NPC1: variants seen among roughly 807,000 people sequenced by gnomAD.
NPC1 encodes Niemann-Pick C1 protein.
A neutral mutation model predicts 140.4 loss-of-function variants in NPC1; 85 were observed. The ratio of observed to expected loss-of-function variants is 0.61; its 90% CI spans 0.51 to 0.72. The LOEUF is 0.72. Among genes scored for constraint, NPC1 ranks in the 30% least tolerant of loss-of-function variants. NPC1 has a pLI of 0.00. For synonymous variants in NPC1, 656 were observed against 624.8 expected (o/e 1.05, Z -0.74); for missense variants, 1,504 against 1,623.8 (o/e 0.93, Z 1.27).
downstream of NPC1, chr18:23,530,201 C>T (rs1598919294): frequency 1.2e-6 from 2 of 1,614,038 alleles, no homozygotes; most frequent in South Asian, 1.1e-5. Flanking sequence ...ATCTTTCCAA[C>T]TGAAGTGGGT....
intron 1 of NPC1, chr18:23,524,260 C>A: frequency 6.5e-7 from 1 of 1,548,114 alleles, no homozygotes; most frequent in Non-Finnish European, 8.9e-7. Flanking sequence ...CTCCGGGCAG[C>A]TGTGAATAAC....
intron 24 of NPC1, 45 bp from the exon 25 acceptor site, chr18:23,532,329 A>T (rs1180258980): frequency 6.2e-7 from 1 of 1,611,294 alleles, no homozygotes; most frequent in Non-Finnish European, 8.5e-7. Context: ...GGAGAAAGGG[A>T]GCTAGTTGGC....
rs146916676 is a variant in NPC1 at position 23,515,047 on chromosome 18, A to G, written c.432-8405T>C. On this transcript the variant is annotated intron_variant, in intron 3 of 3. Transcript: ENST00000591107. ...GGAGCTCCTCCCAGGCCCAGTGTAG[A>G]CTGGAGTCGAGGTGGAGGCCAAGCA... is the stretch of plus-strand genomic sequence containing the variant. Among the ~76,000 whole-genome samples the G allele has an allele frequency of 3.2e-3, 485 of 152,134 alleles. 4 individuals are homozygous for G. Among genetic ancestry groups the G allele is most frequent in the African/African-American group, 0.011 (466 of 41,514 alleles).
At chr18:23,568,214 A>C (rs981333285) in intron 4 of NPC1, among the ~76,000 whole-genome samples, 2 of 152,202 alleles carry the variant, frequency 1.3e-5, no homozygotes, top group African/African-American at 4.8e-5. Context: ...GTTTCTGGAC[A>C]AAATGACCTC....
In NPC1 at chr18:23,548,079, C is replaced by G; in HGVS notation, c.1684G>C (p.Val562Leu). 6.2e-7 allele frequency: 1 copy of G among 1,611,552 alleles called. No individual in the cohort carries two copies. The highest frequency in any genetic ancestry group is 2.2e-5 in the East Asian group (1 of 44,870). The change falls in exon 11 of 25, where the codon GTG becomes CTG. Residue 562 changes from valine to leucine, a missense_variant. Transcript: ENST00000269228. The part of the protein sequence containing the change: ...DQNYNNATAL[V>L]ITFPVNNYYN... ...TAATTATTGACAGGGAAGGTAATCACAAGGGCAGTGGCGTTATTGTAGTTT... is the reference window on the plus strand; with the variant it reads ...TAATTATTGACAGGGAAGGTAATCAGAAGGGCAGTGGCGTTATTGTAGTTT...
intron 20 of NPC1, 27 bp from the exon 21 acceptor site, chr18:23,536,903 A>G (rs972887398): frequency 2.5e-6 from 4 of 1,586,704 alleles, no homozygotes; most frequent in Non-Finnish European, 1.7e-6. Flanking sequence ...GGGTGTCAAG[A>G]GAGTCCAGGT....
At chr18:23,539,587 G>A in intron 18 of NPC1, 117 bp from the exon 19 acceptor site, 1 of 822,630 alleles carries the variant, frequency 1.2e-6, no homozygotes, top group South Asian at 1.6e-5. Flanking sequence ...ACAGTCAAAA[G>A]AAAAACTACA....
Position 23,539,962 on chromosome 18 carries a change from A to T in NPC1, c.2644T>A (p.Tyr882Asn). 6.2e-7 allele frequency: 1 copy of T among 1,614,240 alleles called. No homozygotes were observed. The highest frequency in any genetic ancestry group is 8.5e-7 in the Non-Finnish European group (1 of 1,180,030). Residue 882 changes from tyrosine to asparagine, a missense_variant, in exon 18 of 25, where the codon TAC (tyrosine) becomes AAC (asparagine). Coordinates refer to ENST00000269228, the MANE Select transcript of NPC1 (RefSeq NM_000271.5). ...MVDYFKSISQ[Y>N]LHAGPPVYFV... ...TACACAGGCGGACCCGCATGCAGGT[A>T]CTGACTGATGGATTTGAAATAATCC...
intron 14 of NPC1, among the ~76,000 whole-genome samples, chr18:23,542,379 C>T (rs912544579): frequency 2.6e-5 from 4 of 151,586 alleles, no homozygotes; most frequent in Admixed American, 2.6e-4. Flanking sequence ...TGGTGAAAGA[C>T]TACCACCTAC....
At chr18:23,584,440 A>C (rs962956001) in intron 1 of NPC1, among the ~76,000 whole-genome samples, 7 of 152,244 alleles carry the variant, frequency 4.6e-5, no homozygotes, top group African/African-American at 1.7e-4. Context: ...CAGACCTTGA[A>C]AAGGCCTCCA....
chr18:23,526,893 G>A (rs773121531), downstream of NPC1: 625 of 1,284,190 alleles, frequency 4.9e-4, no homozygotes, highest in Non-Finnish European at 6.2e-4. Context: ...TTTATGTGAG[G>A]GGTGGCTATG....
Position 23,541,452 on chromosome 18 carries a change from C to T in NPC1, c.2246-19G>A, listed in dbSNP as rs1347453397. On this transcript the variant is annotated intron_variant, in intron 14 of 24. Coordinates refer to ENST00000269228, the MANE Select transcript of NPC1 (RefSeq NM_000271.5). ...AATGCTCCTGTCGGGGAGAGAAGGGCTCTGCGTCACTTCTGTTTACAGCCG... is the reference window on the plus strand; with the variant it reads ...AATGCTCCTGTCGGGGAGAGAAGGGTTCTGCGTCACTTCTGTTTACAGCCG... The T allele has an allele frequency of 6.2e-6, 10 of 1,614,176 alleles. No homozygotes were observed. Among genetic ancestry groups the T allele is most frequent in the Non-Finnish European group, 7.6e-6 (9 of 1,180,022 alleles).
intron 12 of NPC1, 83 bp from the exon 13 acceptor site, chr18:23,544,609 T>C: frequency 8.1e-7 from 1 of 1,237,858 alleles, no homozygotes; most frequent in Admixed American, 1.8e-5. Context: ...CCTTTTTACT[T>C]TACAGGGCTG....
chr18:23,579,810 G>A (rs1393048941), intron 1 of NPC1, among the ~76,000 whole-genome samples: 2 of 152,020 alleles, frequency 1.3e-5, no homozygotes, highest in South Asian at 2.1e-4. Context: ...GCGTGAACCC[G>A]GGAGGCGGAG....
At chr18:23,562,187 G>C (rs2059051441) in intron 4 of NPC1, among the ~76,000 whole-genome samples, 1 of 151,950 alleles carries the variant, frequency 6.6e-6, no homozygotes, top group South Asian at 2.1e-4. Context: ...TACTCGGGAG[G>C]CTGAGGCGGG....
chr18:23,507,190 A>T, intron 3 of NPC1: 1 of 511,334 alleles, frequency 2.0e-6, no homozygotes, highest in East Asian at 3.5e-5. Flanking sequence ...GTTGCATTGT[A>T]TTAGAGCCTT....
chr18:23,564,721 G>A (rs1035146663), intron 4 of NPC1, among the ~76,000 whole-genome samples: 1 of 152,126 alleles, frequency 6.6e-6, no homozygotes. Context: ...TGTTTTTGGT[G>A]TCATATTTAA....
intron 18 of NPC1, 149 bp downstream of exon 18, chr18:23,539,652 AAAGGTTTTTT>A: frequency 1.1e-6 from 1 of 902,720 alleles, no homozygotes; most frequent in African/African-American, 1.7e-5. Context: ...TAGTCCTTTC[AAAGGTTTTTT>A]AAGGTAAAGC....
At position 23,568,845 on chromosome 18, in the gene NPC1, G is replaced by A. The variant is rs1388736731; in HGVS notation, c.441C>T (p.Tyr147=). ...TKTNVKELQY[Y]VGQSFANAMY... is the part of the protein sequence containing the mutation. Reference sequence around the variant, plus strand: ...TACCATTGGCAAAACTCTGTCCGACGTAGTATTGTAACTCTTTCACATTTG... The same window carrying A: ...TACCATTGGCAAAACTCTGTCCGACATAGTATTGTAACTCTTTCACATTTG... The change falls in exon 4 of 25, where the codon TAC becomes TAT. Residue 147 remains tyrosine (Y), a synonymous_variant. Coordinates refer to ENST00000269228, the MANE Select transcript of NPC1 (RefSeq NM_000271.5). The A allele has an allele frequency of 1.1e-5, 17 of 1,613,846 alleles. No homozygotes were observed. The highest frequency in any genetic ancestry group is 1.6e-4 in the Middle Eastern group (1 of 6,076).
Sources: allele counts gnomAD v4.1 joint callset (sites outside exome capture counted in the v4.1 genomes callset), GRCh38; gene constraint gnomAD v4.1.1; transcripts MANE v1.5; gene names NCBI Gene and HGNC (gene_info 2026-07-23, HGNC 2026-07-21).